PKP4: variants seen among roughly 807,000 people sequenced by gnomAD.
PKP4 encodes the protein plakophilin-4.
PKP4 carries 90 observed loss-of-function variants against 145.1 expected under a neutral mutation model. The observed-to-expected ratio is 0.62, with a 90% CI of 0.52 to 0.74. The LOEUF is 0.74. Ranked by LOEUF, PKP4 falls within the 30% of genes least tolerant of loss-of-function variation. PKP4 has a pLI of 0.00. For missense variants in PKP4, 1,340 were observed against 1,482.7 expected, an observed-to-expected ratio of 0.90 and a Z score of 1.58; for synonymous variants, 563 against 577.2, an observed-to-expected ratio of 0.98 and a Z score of 0.35.
At chr2:158,489,036 CTTGATGATGATTGTT>C (rs1270330706) in intron 1 of PKP4, among the ~76,000 whole-genome samples, 1 of 152,170 alleles carries the variant, frequency 6.6e-6, no homozygotes, top group Non-Finnish European at 1.5e-5. Flanking sequence ...TGGAGTTGAA[CTTGATGATGATTGTT>C]TTGATAAATC....
chr2:158,471,520 G>T (rs1272546055), intron 1 of PKP4, among the ~76,000 whole-genome samples: 4 of 152,230 alleles, frequency 2.6e-5, no homozygotes, highest in African/African-American at 4.8e-5. Context: ...GTGCTGACAT[G>T]AAGAATTGTG....
chr2:158,627,650 A>AATATATATATAT (rs3836167), intron 7 of PKP4, among the ~76,000 whole-genome samples: 52,113 of 147,006 alleles, frequency 0.35, 10,284 homozygotes, highest in East Asian at 0.53. Flanking sequence ...AAACTACAGA[A>AATATATATATAT]ATATATATAT....
intron 1 of PKP4, among the ~76,000 whole-genome samples, chr2:158,470,318 T>C (rs1170736097): frequency 6.6e-6 from 1 of 152,176 alleles, no homozygotes; most frequent in Non-Finnish European, 1.5e-5. Flanking sequence ...ACCTACCATA[T>C]AAGGCCCGTT....
chr2:158,542,896 A>G (rs992907419), intron 2 of PKP4, among the ~76,000 whole-genome samples: 1 of 152,186 alleles, frequency 6.6e-6, no homozygotes, highest in Non-Finnish European at 1.5e-5. Flanking sequence ...AGTGATCTCT[A>G]TGGAATAGAA....
chr2:158,632,438 A>C (rs3771656), intron 8 of PKP4: 30,826 of 158,246 alleles, frequency 0.19, 3,857 homozygotes, highest in Middle Eastern at 0.34. Context: ...TACCCCTTGC[A>C]ATGGACTCAA....
chr2:158,531,317 A>G (rs1248508431), intron 1 of PKP4, among the ~76,000 whole-genome samples: 2 of 152,016 alleles, frequency 1.3e-5, no homozygotes, highest in Non-Finnish European at 2.9e-5. Context: ...GTTGTTTCAT[A>G]TTATACTCTT....
intron 1 of PKP4, among the ~76,000 whole-genome samples, chr2:158,498,189 A>C (rs927995097): frequency 6.6e-6 from 1 of 152,042 alleles, no homozygotes; most frequent in Non-Finnish European, 1.5e-5. Context: ...ATGGGGTCTT[A>C]CTATGTTGCC....
At chr2:158,624,766 C>G (rs2052592135) in intron 6 of PKP4, 112 bp from the exon 7 acceptor site, 1 of 739,342 alleles carries the variant, frequency 1.4e-6, no homozygotes, top group African/African-American at 1.8e-5. Flanking sequence ...ATCTTAGATG[C>G]CTAAAATAGT....
At chr2:158,624,582 G>A (rs185873572) in intron 6 of PKP4, among the ~76,000 whole-genome samples, 157 of 151,784 alleles carry the variant, frequency 1.0e-3, no homozygotes, top group Non-Finnish European at 9.6e-4. Context: ...AAAATGCATA[G>A]GCAATAGTTA....
intron 3 of PKP4, among the ~76,000 whole-genome samples, chr2:158,597,444 C>T (rs1441205121): frequency 6.6e-6 from 1 of 152,122 alleles, no homozygotes; most frequent in Non-Finnish European, 1.5e-5. Context: ...CTGCAGTCTG[C>T]TAGTAGAACA....
At chr2:158,666,586 G>T (rs201106670) in intron 16 of PKP4, 23 bp downstream of exon 16, 2 of 1,575,532 alleles carry the variant, frequency 1.3e-6, no homozygotes, top group Admixed American at 1.9e-5. Context: ...GACAAGATGA[G>T]CTGTAAATGT....
chr2:158,515,977 C>G (rs2041905892), intron 1 of PKP4, among the ~76,000 whole-genome samples: 1 of 150,820 alleles, frequency 6.6e-6, no homozygotes, highest in Non-Finnish European at 1.5e-5. Flanking sequence ...CCTAGGAGTT[C>G]AAGGCTGTAG....
chr2:158,669,710 C>A lies in PKP4; in HGVS notation c.2729-10C>A. ...TCTGGAAGTAGAATTTACTCTTTTG[C>A]CGTTGGCAGGCAAATACGCCATGCG... On this transcript the variant is annotated splice_polypyrimidine_tract_variant and intron_variant, in intron 16 of 21. Coordinates refer to ENST00000389759, the MANE Select transcript of PKP4 (RefSeq NM_003628.6). 2 of 1,523,190 alleles carry A rather than the reference C, an allele frequency of 1.3e-6. No homozygotes were observed. Among genetic ancestry groups the A allele is most frequent in the Non-Finnish European group, 1.8e-6 (2 of 1,128,362 alleles). The allele number at this position is 1,523,190 out of a possible 1,614,324, so 94.4% of individuals were successfully genotyped here. A position where few individuals can be genotyped will look rare whatever the true frequency, so the allele number is the denominator to read the frequency against.
intron 12 of PKP4, 51 bp downstream of exon 12, chr2:158,658,365 C>G: frequency 9.0e-7 from 1 of 1,108,522 alleles, no homozygotes; most frequent in Non-Finnish European, 1.3e-6. Flanking sequence ...AAATATGTGT[C>G]ATAGGTAAAT....
intron 3 of PKP4, among the ~76,000 whole-genome samples, chr2:158,589,752 A>G (rs2049097431): frequency 6.6e-6 from 1 of 152,210 alleles, no homozygotes; most frequent in South Asian, 2.1e-4. Flanking sequence ...GAAGGTTGGT[A>G]GTAAACTCTC....
chr2:158,573,854 T>TA (rs1209143079), intron 2 of PKP4, among the ~76,000 whole-genome samples: 1 of 152,224 alleles, frequency 6.6e-6, no homozygotes, highest in African/African-American at 2.4e-5. Flanking sequence ...TTTATTTTCT[T>TA]ATCTTGATCA....
At chr2:158,478,263 A>C (rs1297420948) in intron 1 of PKP4, among the ~76,000 whole-genome samples, 1 of 151,986 alleles carries the variant, frequency 6.6e-6, no homozygotes, top group Non-Finnish European at 1.5e-5. Context: ...CTGAACCTTA[A>C]AAGTAATTGT....
intron 3 of PKP4, among the ~76,000 whole-genome samples, chr2:158,599,770 A>G (rs1280069161): frequency 6.6e-6 from 1 of 152,204 alleles, no homozygotes; most frequent in Non-Finnish European, 1.5e-5. Flanking sequence ...TTCAAGGAGC[A>G]GTGCCTACTG....
chr2:158,463,910 C>T (rs1690179677), intron 1 of PKP4, among the ~76,000 whole-genome samples: 1 of 152,182 alleles, frequency 6.6e-6, no homozygotes, highest in Admixed American at 6.5e-5. Flanking sequence ...TGGTGAAGTG[C>T]TCCAGGAGTG....
Sources: allele counts gnomAD v4.1 joint callset (sites outside exome capture counted in the v4.1 genomes callset), GRCh38; gene constraint gnomAD v4.1.1; transcripts MANE v1.5; gene names NCBI Gene and HGNC (gene_info 2026-07-23, HGNC 2026-07-21).